The following ADGRB3 variants were observed in gnomAD, a reference collection of about 807,000 sequenced individuals.
ADGRB3 encodes adhesion G protein-coupled receptor B3, also known as brain-specific angiogenesis inhibitor 3.
Under a neutral mutation model 193.4 loss-of-function variants are expected in ADGRB3, and 37 were observed. The ratio of observed to expected loss-of-function variants is 0.19; its 90% CI spans 0.15 to 0.25. The LOEUF is 0.25. Among genes scored for constraint, ADGRB3 ranks in the 10% least tolerant of loss-of-function variants. ADGRB3 has a pLI of 1.00. For missense variants in ADGRB3, 1,637 were observed against 1,852.9 expected (o/e 0.88, Z 2.14); for synonymous variants, 690 against 644.2 (o/e 1.07, Z -1.08).
Position 68,808,764 on chromosome 6 carries a change from G to A in ADGRB3, c.758-121795G>A, listed in dbSNP as rs1767456711. ...GAGGAGGAAAAAAGGGGGAGAGAGT[G>A]AGTGGGAGAAAGAAAAATAAAGATT... On this transcript the variant is annotated intron_variant, in intron 3 of 31. Coordinates refer to ENST00000370598, the MANE Select transcript of ADGRB3 (RefSeq NM_001704.3). Among the ~76,000 whole-genome samples, 3 of 152,160 alleles carry A rather than the reference G, an allele frequency of 2.0e-5. 1 individual carries two copies. The South Asian group carries it at 6.2e-4, about 32-fold the overall frequency.
intron 17 of ADGRB3, among the ~76,000 whole-genome samples, chr6:69,196,411 C>T (rs1472633919): frequency 6.6e-6 from 1 of 152,066 alleles, no homozygotes; most frequent in Non-Finnish European, 1.5e-5. Context: ...TTTTTTCACA[C>T]TTCCGCAGGC....
chr6:69,032,858 C>T (rs1237915107), intron 13 of ADGRB3, among the ~76,000 whole-genome samples: 2 of 152,022 alleles, frequency 1.3e-5, no homozygotes, highest in Non-Finnish European at 2.9e-5. Context: ...GACTAACTAG[C>T]CTTCTGGAAG....
intron 3 of ADGRB3, among the ~76,000 whole-genome samples, chr6:68,722,168 A>T (rs1765595166): frequency 6.6e-6 from 1 of 151,682 alleles, no homozygotes; most frequent in African/African-American, 2.4e-5. Context: ...CACAAAGTAA[A>T]TATTTTTAAA....
chr6:68,691,601 A>C (rs981519014), intron 3 of ADGRB3, among the ~76,000 whole-genome samples: 1 of 152,026 alleles, frequency 6.6e-6, no homozygotes, highest in African/African-American at 2.4e-5. Flanking sequence ...TGTTGTCACT[A>C]TCTTAACCAA....
chr6:68,637,981 G>T (rs1268935246), intron 2 of ADGRB3, among the ~76,000 whole-genome samples: 4 of 152,156 alleles, frequency 2.6e-5, no homozygotes, highest in African/African-American at 9.7e-5. Flanking sequence ...TTTCTCAAAT[G>T]ATGGTTTTAA....
At chr6:69,334,013 AAATAAAAAATAT>A (rs1182655671) in intron 24 of ADGRB3, among the ~76,000 whole-genome samples, 1 of 128,762 alleles carries the variant, frequency 7.8e-6, no homozygotes, top group Non-Finnish European at 1.7e-5. Flanking sequence ...AAATAAAATA[AAATAAAAAATAT>A]GTATATATAA....
chr6:68,844,586 G>A (rs1358423069), intron 3 of ADGRB3, among the ~76,000 whole-genome samples: 1 of 152,086 alleles, frequency 6.6e-6, no homozygotes, highest in African/African-American at 2.4e-5. Context: ...CAGTGTGGAG[G>A]TTTCTCTAAA....
In ADGRB3 at chr6:68,893,757, A is replaced by G. The variant is rs1322608523; in HGVS notation, c.758-36802A>G. On this transcript the variant is annotated intron_variant, in intron 3 of 31. Coordinates refer to ENST00000370598, the MANE Select transcript of ADGRB3 (RefSeq NM_001704.3). ...ATAAGTTAAAAATTACATTCCATGTACTTAAGTTTTTTGCCAATATATAGT... is the reference window on the plus strand; with the variant it reads ...ATAAGTTAAAAATTACATTCCATGTGCTTAAGTTTTTTGCCAATATATAGT... Among the ~76,000 whole-genome samples, 9 of 152,120 alleles carry G rather than the reference A, an allele frequency of 5.9e-5. 1 individual carries two copies. The South Asian group carries it at 1.7e-3, about 28-fold the overall frequency.
At chr6:68,994,578 T>C (rs566491862) in intron 11 of ADGRB3, among the ~76,000 whole-genome samples, 1 of 152,346 alleles carries the variant, frequency 6.6e-6, no homozygotes. Context: ...CCAATGTCAG[T>C]ATTGCCTTTG....
chr6:68,979,550 A>G (rs1562108852), intron 10 of ADGRB3, among the ~76,000 whole-genome samples: 1 of 151,602 alleles, frequency 6.6e-6, no homozygotes, highest in Admixed American at 6.6e-5. Context: ...AGAATATGAG[A>G]ACAAAGTGCT....
intron 17 of ADGRB3, among the ~76,000 whole-genome samples, chr6:69,094,576 A>G (rs3799031): frequency 0.033 from 5,002 of 152,284 alleles, 134 homozygotes; most frequent in East Asian, 0.095. Context: ...GTTGAAAGCT[A>G]TATGTCATAC....
intron 3 of ADGRB3, among the ~76,000 whole-genome samples, chr6:68,761,292 A>C (rs1339422323): frequency 3.3e-5 from 5 of 151,840 alleles, no homozygotes; most frequent in Non-Finnish European, 5.9e-5. Context: ...AAACAAGCAC[A>C]CTTGGATTTA....
At chr6:68,997,795 C>G (rs879535758) in intron 11 of ADGRB3, among the ~76,000 whole-genome samples, 2 of 152,060 alleles carry the variant, frequency 1.3e-5, no homozygotes, top group South Asian at 2.1e-4. Context: ...TAAAAGGTAA[C>G]TTATTTTTTG....
intron 29 of ADGRB3, among the ~76,000 whole-genome samples, chr6:69,367,483 T>A (rs938460888): frequency 2.0e-5 from 3 of 151,912 alleles, no homozygotes; most frequent in Non-Finnish European, 4.4e-5. Flanking sequence ...CCACCAACAG[T>A]GTAAAAGTGT....
chr6:68,749,004 C>T (rs1766139425), intron 3 of ADGRB3, among the ~76,000 whole-genome samples: 1 of 152,184 alleles, frequency 6.6e-6, no homozygotes, highest in East Asian at 1.9e-4. Context: ...CCCTTTCAGC[C>T]ATGGCTGGAG....
chr6:69,124,791 A>T (rs530576035), intron 17 of ADGRB3, among the ~76,000 whole-genome samples: 1 of 152,232 alleles, frequency 6.6e-6, no homozygotes, highest in African/African-American at 2.4e-5. Flanking sequence ...CAATTAGAAA[A>T]ATGTGAAGTT....
intron 17 of ADGRB3, among the ~76,000 whole-genome samples, chr6:69,115,404 A>G (rs1029149454): frequency 3.3e-5 from 5 of 152,060 alleles, no homozygotes; most frequent in African/African-American, 1.2e-4. Flanking sequence ...ATGAGAACAC[A>G]TGGACACAAG....
At chr6:69,086,149 T>C (rs1281548984) in intron 17 of ADGRB3, among the ~76,000 whole-genome samples, 1 of 152,068 alleles carries the variant, frequency 6.6e-6, no homozygotes, top group Non-Finnish European at 1.5e-5. Flanking sequence ...GAATGAAAAC[T>C]AAAGATGGCA....
intron 26 of ADGRB3, among the ~76,000 whole-genome samples, chr6:69,348,846 T>C (rs953417165): frequency 6.6e-6 from 1 of 152,246 alleles, no homozygotes; most frequent in Non-Finnish European, 1.5e-5. Flanking sequence ...TTATTTTTTA[T>C]CTAAATCATA....
Sources: gnomAD v4.1 joint callset for allele counts (sites outside exome capture counted in the v4.1 genomes callset) on GRCh38, gnomAD v4.1.1 for gene constraint, MANE v1.5 for transcripts, NCBI Gene and HGNC (gene_info 2026-07-23, HGNC 2026-07-21) for gene names.